Variants in FGF13 observed in about 807,000 individuals in gnomAD.
FGF13 encodes fibroblast growth factor homologous factor 2.
Under a neutral mutation model 19.5 loss-of-function variants are expected in FGF13, and 2 were observed. The observed-to-expected ratio is 0.10, with a 90% CI of 0.04 to 0.32. FGF13 has a LOEUF of 0.32. Among genes scored for constraint, FGF13 ranks in the 10% least tolerant of loss-of-function variants. The probability of loss-of-function intolerance (pLI) is 1.00; values close to 1 mark genes in which losing one functional copy is unlikely to be tolerated. For synonymous variants in FGF13, 72 were observed against 76.9 expected (o/e 0.94, Z 0.33); for missense variants, 113 against 192.7 (o/e 0.59, Z 2.45).
chrX:138,717,215 A>T (rs952194502), intron 1 of FGF13, among the ~76,000 whole-genome samples: 3 of 111,758 alleles, frequency 2.7e-5, no homozygotes, highest in Admixed American at 1.9e-4. Flanking sequence ...AAACCTGGAG[A>T]GAAATAGCAG....
At chrX:138,776,696 A>G (rs1299830036) in intron 3 of FGF13, among the ~76,000 whole-genome samples, 2 of 112,023 alleles carry the variant, frequency 1.8e-5, no homozygotes, top group Non-Finnish European at 3.8e-5. Context: ...CTATCTGAAT[A>G]TGCATCTTCT....
intron 1 of FGF13, among the ~76,000 whole-genome samples, chrX:139,055,651 T>G (rs1398976012): frequency 8.9e-6 from 1 of 112,888 alleles, no homozygotes; most frequent in Non-Finnish European, 1.9e-5. Flanking sequence ...ATGGATGGTC[T>G]GCCGCTTCAG....
At chrX:138,649,294 A>G (rs2089341028) in intron 3 of FGF13, among the ~76,000 whole-genome samples, 1 of 111,894 alleles carries the variant, frequency 8.9e-6, no homozygotes, top group African/African-American at 3.3e-5. Context: ...CCTCAACATC[A>G]GGAGGATACA....
intron 2 of FGF13, among the ~76,000 whole-genome samples, chrX:138,858,941 G>A (rs1243978088): frequency 2.7e-5 from 3 of 111,579 alleles, no homozygotes; most frequent in African/African-American, 9.8e-5. Flanking sequence ...TATGAGTTTA[G>A]AACAAGTTCT....
chrX:139,133,455 A>T (rs1603215180), intron 1 of FGF13, among the ~76,000 whole-genome samples: 3 of 110,402 alleles, frequency 2.7e-5, no homozygotes, highest in African/African-American at 6.6e-5. Context: ...TTCAAAGGGT[A>T]TACATCCAAA....
rs2089047038 is a variant in FGF13 at position 138,625,240 on chromosome X, A to C, written c.*7610T>G. 2 of 109,362 alleles carry C rather than the reference A, an allele frequency of 1.8e-5. No homozygotes were observed. Among genetic ancestry groups the C allele is most frequent in the African/African-American group, 6.6e-5 (2 of 30,140 alleles). 9.0% of individuals were successfully genotyped at this position (109,362 alleles called of 1,213,427 possible). On this transcript the variant is annotated 3_prime_UTR_variant, in exon 5 of 5. Coordinates refer to ENST00000315930, the MANE Select transcript of FGF13 (RefSeq NM_004114.5). ...CTGTTTATGGGAATGTAAATTAGTA[A>C]GCCATTATGTAAAACAGTATGGAGA...
chrX:139,137,832 G>A (rs2083812382), intron 1 of FGF13, among the ~76,000 whole-genome samples: 1 of 111,988 alleles, frequency 8.9e-6, no homozygotes, highest in Non-Finnish European at 1.9e-5. Context: ...TGAAGCAATG[G>A]TCACACGGCC....
At position 139,124,083 on chromosome X, in the gene FGF13, C is replaced by T. The variant is rs577000651; in HGVS notation, c.-113+79333G>A. On this transcript the variant is annotated intron_variant, in intron 1 of 2. Coordinates refer to the FGF13 transcript ENST00000421460. ...CTCTTGACACTACAAAGCCTGCCTC[C>T]CACAGACCCTGCTGCTTCAATTTCT... Among the ~76,000 whole-genome samples the T allele has an allele frequency of 1.9e-4, 21 of 112,390 alleles. No homozygotes were observed. The South Asian group carries it at 6.3e-3, about 34-fold the overall frequency.
chrX:139,017,865 G>A (rs1037284044), intron 1 of FGF13, among the ~76,000 whole-genome samples: 3 of 111,662 alleles, frequency 2.7e-5, no homozygotes, highest in African/African-American at 9.7e-5. Context: ...ATGGGAGAGA[G>A]ACAGGCCAGG....
At chrX:139,195,193 C>A (rs143570236) in intron 1 of FGF13, among the ~76,000 whole-genome samples, 411 of 111,357 alleles carry the variant, frequency 3.7e-3, no homozygotes, top group African/African-American at 0.013. Context: ...TCCCAGCTAG[C>A]CGAAAAACAA....
intron 3 of FGF13, among the ~76,000 whole-genome samples, chrX:138,696,854 A>G (rs1602713409): frequency 8.9e-6 from 1 of 112,317 alleles, no homozygotes; most frequent in East Asian, 2.8e-4. Flanking sequence ...GCATTCTAAG[A>G]ATATTTATGC....
At chrX:139,196,911 C>G (rs1376556025) in intron 1 of FGF13, among the ~76,000 whole-genome samples, 1 of 112,195 alleles carries the variant, frequency 8.9e-6, no homozygotes, top group Non-Finnish European at 1.9e-5. Context: ...TTTAGGACAC[C>G]AGTCAAAATT....
intron 1 of FGF13, among the ~76,000 whole-genome samples, chrX:138,924,046 G>C (rs5976226): frequency 8.9e-6 from 1 of 111,919 alleles, no homozygotes; most frequent in Non-Finnish European, 1.9e-5. Context: ...GTTGCAAATG[G>C]AAAGTTCCTT....
chrX:138,866,875 G>A (rs1468862669), intron 1 of FGF13, among the ~76,000 whole-genome samples: 1 of 111,732 alleles, frequency 8.9e-6, no homozygotes, highest in African/African-American at 3.3e-5. Flanking sequence ...CTAAGTATGG[G>A]TCAATTCTCT....
At chrX:139,153,242 G>T (rs1243801096) in intron 1 of FGF13, among the ~76,000 whole-genome samples, 2 of 110,511 alleles carry the variant, frequency 1.8e-5, no homozygotes, top group Admixed American at 1.9e-4. Context: ...GTCCAACCTG[G>T]CTTCCGCTTT....
chrX:138,830,296 T>G (rs1433222882), intron 3 of FGF13, among the ~76,000 whole-genome samples: 1 of 111,622 alleles, frequency 9.0e-6, no homozygotes, highest in Non-Finnish European at 1.9e-5. Context: ...CAAATCTTCT[T>G]AGAGATTACT....
intron 3 of FGF13, among the ~76,000 whole-genome samples, chrX:138,833,797 T>C (rs1410472998): frequency 1.8e-5 from 2 of 111,940 alleles, no homozygotes; most frequent in African/African-American, 6.5e-5. Flanking sequence ...AGTGGCTTTG[T>C]TATAGATGGT....
chrX:138,623,909 A>T lies in FGF13; in HGVS notation c.*8941T>A, dbSNP rs968645897. 1 of 112,304 alleles carries T rather than the reference A, an allele frequency of 8.9e-6. No individual in the cohort carries two copies. Among genetic ancestry groups the T allele is most frequent in the African/African-American group, 3.2e-5 (1 of 30,939 alleles). 9.3% of individuals were successfully genotyped at this position (112,304 alleles called of 1,213,427 possible). ...GAGGTGAAAAATCTGTACATTAAAA[A>T]CTATAAGATACTGATGAAAGGAATT... On this transcript the variant is annotated 3_prime_UTR_variant, in exon 5 of 5. Coordinates refer to ENST00000315930, the MANE Select transcript of FGF13 (RefSeq NM_004114.5).
chrX:139,013,949 C>T (rs2092142432), intron 1 of FGF13, among the ~76,000 whole-genome samples: 1 of 110,656 alleles, frequency 9.0e-6, no homozygotes, highest in Non-Finnish European at 1.9e-5. Flanking sequence ...ATCAATAGCA[C>T]AAGGAACTGT....
Sources: allele counts gnomAD v4.1 joint callset (sites outside exome capture counted in the v4.1 genomes callset), GRCh38; gene constraint gnomAD v4.1.1; transcripts MANE v1.5; gene names NCBI Gene and HGNC (gene_info 2026-07-23, HGNC 2026-07-21).